ERCC8: variants seen among roughly 807,000 people sequenced by gnomAD.
ERCC8 encodes ERCC excision repair 8, CSA ubiquitin ligase complex subunit, also known as DNA excision repair protein ERCC-8.
In ERCC8, 52 loss-of-function variants were observed where a neutral mutation model predicts 54.9. That is an observed-to-expected ratio of 0.95 (90% confidence interval 0.76 to 1.19). The LOEUF (loss-of-function observed/expected upper bound fraction) is 1.19, where lower values mean the gene tolerates loss of function less well. Among genes scored for constraint, ERCC8 ranks in the 50% most tolerant of loss-of-function variants. ERCC8 has a pLI of 0.00. For missense variants in ERCC8, 514 were observed against 466.1 expected (o/e 1.10, Z -0.95); for synonymous variants, 146 against 157.2 (o/e 0.93, Z 0.53).
chr5:60,921,596 T>C (rs1449936659), intron 3 of ERCC8, among the ~76,000 whole-genome samples: 4 of 151,906 alleles, frequency 2.6e-5, no homozygotes, highest in African/African-American at 9.7e-5. Flanking sequence ...GGTGAGTGGG[T>C]ATATGTGTAT....
At chr5:60,925,618 T>C (rs1331917925) in intron 2 of ERCC8, among the ~76,000 whole-genome samples, 2 of 152,226 alleles carry the variant, frequency 1.3e-5, no homozygotes, top group Non-Finnish European at 2.9e-5. Flanking sequence ...TACTGCCTCC[T>C]CTAGCAAAAA....
intron 4 of ERCC8, chr5:60,917,635 A>G (rs1749475411): frequency 6.6e-6 from 1 of 152,250 alleles, no homozygotes; most frequent in African/African-American, 2.4e-5. Flanking sequence ...ACTAAATTTA[A>G]TGAGATGTGA....
chr5:60,907,803 C>T (rs1168684294), intron 4 of ERCC8, among the ~76,000 whole-genome samples: 1 of 152,172 alleles, frequency 6.6e-6, no homozygotes, highest in Non-Finnish European at 1.5e-5. Context: ...ATCTTTCCTC[C>T]TCTTCAAATC....
intron 11 of ERCC8, among the ~76,000 whole-genome samples, chr5:60,878,292 T>G (rs886207048): frequency 3.3e-5 from 5 of 152,242 alleles, no homozygotes; most frequent in African/African-American, 1.2e-4. Context: ...ATTAAGGATT[T>G]TTGCATTGAT....
Position 60,874,624 on chromosome 5 carries a change from T to C in ERCC8, c.1182A>G (p.Glu394=). The change falls in exon 12 of 12, where the codon GAA becomes GAG. Residue 394 remains glutamate, a synonymous_variant. Coordinates refer to ENST00000676185, the MANE Select transcript of ERCC8 (RefSeq NM_000082.4). ...AFEDAWSSSD[E]EG ...GTACTAAAGATGATATTCATCCTTC[T>C]TCATCACTGCTGCTCCAGGCATCTT... The C allele has an allele frequency of 6.2e-7, 1 of 1,613,648 alleles. No individual in the cohort carries two copies. The highest frequency in any genetic ancestry group is 2.2e-5 in the East Asian group (1 of 44,842).
At chr5:60,930,619 C>T (rs1355022956) in intron 1 of ERCC8, among the ~76,000 whole-genome samples, 1 of 150,960 alleles carries the variant, frequency 6.6e-6, no homozygotes, top group African/African-American at 2.4e-5. Context: ...CCTGTAATCC[C>T]AGAGGCTGAG....
At chr5:60,879,518 G>T (rs940724777) in intron 11 of ERCC8, among the ~76,000 whole-genome samples, 3 of 152,158 alleles carry the variant, frequency 2.0e-5, no homozygotes, top group Non-Finnish European at 1.5e-5. Context: ...CTCTTTTTAG[G>T]TCTCTAAGGA....
chr5:60,930,605 T>C (rs1749880510), intron 1 of ERCC8, among the ~76,000 whole-genome samples: 3 of 151,376 alleles, frequency 2.0e-5, no homozygotes, highest in Admixed American at 1.3e-4. Context: ...CCTAGTGGCG[T>C]ATGCCTGTAA....
intron 1 of ERCC8, among the ~76,000 whole-genome samples, chr5:60,941,365 A>G (rs1201231789): frequency 6.6e-6 from 1 of 152,266 alleles, no homozygotes; most frequent in Non-Finnish European, 1.5e-5. Context: ...CATTAAAATT[A>G]TACAATCTAA....
chr5:60,901,728 C>T (rs979941411), intron 7 of ERCC8, among the ~76,000 whole-genome samples: 1 of 152,026 alleles, frequency 6.6e-6, no homozygotes, highest in Admixed American at 6.6e-5. Flanking sequence ...TCTGTGTATT[C>T]AAGGACCTAA....
intron 2 of ERCC8, among the ~76,000 whole-genome samples, 184 bp from the exon 3 acceptor site, chr5:60,922,339 C>T (rs567085979): frequency 2.0e-5 from 3 of 151,888 alleles, no homozygotes; most frequent in East Asian, 3.9e-4. Context: ...ATATTTAATA[C>T]AAGAATGAAT....
chr5:60,894,425 A>T (rs1002996807), intron 9 of ERCC8, among the ~76,000 whole-genome samples: 4 of 152,246 alleles, frequency 2.6e-5, no homozygotes, highest in Non-Finnish European at 5.9e-5. Flanking sequence ...GATTTATATA[A>T]ATCATAATTA....
intron 11 of ERCC8, among the ~76,000 whole-genome samples, chr5:60,878,550 C>A (rs538790657): frequency 7.8e-4 from 119 of 152,254 alleles, no homozygotes; most frequent in African/African-American, 2.7e-3. Context: ...AATTTCAGAG[C>A]CTGTTATTGG....
At chr5:60,911,177 A>G (rs542488548) in intron 4 of ERCC8, among the ~76,000 whole-genome samples, 2 of 152,230 alleles carry the variant, frequency 1.3e-5, no homozygotes, top group African/African-American at 4.8e-5. Flanking sequence ...CATCATTTAC[A>G]TTAGGTATTT....
At chr5:60,881,653 C>T (rs1748231049) in intron 11 of ERCC8, among the ~76,000 whole-genome samples, 1 of 152,220 alleles carries the variant, frequency 6.6e-6, no homozygotes, top group Non-Finnish European at 1.5e-5. Flanking sequence ...GTCGGACCCT[C>T]CGAGCCAGGC....
intron 11 of ERCC8, among the ~76,000 whole-genome samples, chr5:60,881,286 A>C (rs78241666): frequency 5.3e-5 from 8 of 152,054 alleles, no homozygotes; most frequent in Non-Finnish European, 1.0e-4. Flanking sequence ...GGGGTGCCTC[A>C]CAGTTAGGCT....
intron 1 of ERCC8, among the ~76,000 whole-genome samples, chr5:60,937,006 G>A (rs899405240): frequency 6.6e-6 from 1 of 152,156 alleles, no homozygotes; most frequent in Non-Finnish European, 1.5e-5. Context: ...CCCTAAGGTT[G>A]GGGCTTCCTG....
chr5:60,894,275 C>T (rs772612104), intron 9 of ERCC8, among the ~76,000 whole-genome samples: 19 of 152,070 alleles, frequency 1.2e-4, no homozygotes, highest in Non-Finnish European at 2.4e-4. Context: ...TGAGCCACTG[C>T]GCCCGGCTGG....
intron 11 of ERCC8, among the ~76,000 whole-genome samples, chr5:60,886,374 T>C (rs957991880): frequency 2.6e-5 from 4 of 152,038 alleles, no homozygotes; most frequent in Non-Finnish European, 5.9e-5. Context: ...CTGGTAGGAG[T>C]GTAAACTGGT....
Sources: allele counts gnomAD v4.1 joint callset (sites outside exome capture counted in the v4.1 genomes callset), GRCh38; gene constraint gnomAD v4.1.1; transcripts MANE v1.5; gene names NCBI Gene and HGNC (gene_info 2026-07-23, HGNC 2026-07-21).